ATP5F1B: variants seen among roughly 807,000 people sequenced by gnomAD.
ATP5F1B encodes ATP synthase F1 subunit beta.
ATP5F1B carries 17 observed loss-of-function variants against 45.9 expected under a neutral mutation model. The ratio of observed to expected loss-of-function variants is 0.37; its 90% CI spans 0.25 to 0.56. The LOEUF (loss-of-function observed/expected upper bound fraction) is 0.56. Among genes scored for constraint, ATP5F1B ranks in the 20% least tolerant of loss-of-function variants. The pLI is 0.80. For synonymous variants in ATP5F1B, 218 were observed against 256.5 expected (o/e 0.85, Z 1.43); for missense variants, 387 against 673.2 (o/e 0.57, Z 4.70).
In ATP5F1B at chr12:56,644,922, C is replaced by T. The variant is rs1433382923; in HGVS notation, c.344G>A (p.Gly115Asp). The change falls in exon 3 of 10, where the codon GGT becomes GAT. Residue 115 changes from glycine (G) to aspartate (D), a missense_variant. By Grantham distance (94) the Gly-to-Asp change is moderately conservative. This residue lies in a region of ATP5F1B where 113 missense variants were observed against 168.0 expected (regional missense o/e 0.67). Coordinates refer to ENST00000262030, the MANE Select transcript of ATP5F1B (RefSeq NM_001686.4). ...ESTVRTIAMD[G>D]TEGLVRGQKV... ...CTGGCCTCTAACCAAGCCTTCTGTA[C>T]CATCCATAGCAATAGTCCTTACTGT... 1 of 1,614,164 alleles carries T rather than the reference C, an allele frequency of 6.2e-7. No homozygotes were observed.
intron 7 of ATP5F1B, among the ~76,000 whole-genome samples, chr12:56,641,319 A>T (rs944101822): frequency 3.3e-5 from 5 of 149,694 alleles, no homozygotes; most frequent in African/African-American, 4.9e-5. Context: ...CCCAGATCGC[A>T]CCCATTGCAC....
intron 7 of ATP5F1B, among the ~76,000 whole-genome samples, chr12:56,642,199 G>C (rs999301148): frequency 6.6e-6 from 1 of 151,788 alleles, no homozygotes; most frequent in African/African-American, 2.4e-5. Flanking sequence ...ATTTCACCAC[G>C]TTGGCCAGGG....
At chr12:56,642,606 T>A in intron 6 of ATP5F1B, 26 bp from the exon 7 acceptor site, 4 of 1,614,060 alleles carry the variant, frequency 2.5e-6, no homozygotes, top group South Asian at 2.2e-5. Context: ...GTCTTAGGTG[T>A]CTACATCCTT....
At chr12:56,639,024 G>C (rs529063027) in intron 9 of ATP5F1B, 82 bp downstream of exon 9, 302 of 1,291,532 alleles carry the variant, frequency 2.3e-4, no homozygotes, top group Non-Finnish European at 3.2e-4. Context: ...ATTAAGCATA[G>C]TATATTACAT....
chr12:56,644,812 T>A lies in ATP5F1B; in HGVS notation c.454A>T (p.Ile152Phe). ...GRIMNVIGEP[I>F]DERGPIKTKQ... Reference sequence around the variant, plus strand: ...GTTTTGATGGGACCTCTTTCATCAATAGGTTCTCCAATGACATTCATGATT... The same window carrying A: ...GTTTTGATGGGACCTCTTTCATCAAAAGGTTCTCCAATGACATTCATGATT... Residue 152 changes from isoleucine (I) to phenylalanine (F), a missense_variant, in exon 3 of 10, where the codon ATT becomes TTT. This residue lies in a region of ATP5F1B where 113 missense variants were observed against 168.0 expected (regional missense o/e 0.67). Transcript: ENST00000262030. 1 of 1,614,050 alleles carries A rather than the reference T, an allele frequency of 6.2e-7. No individual in the cohort carries two copies. The highest frequency in any genetic ancestry group is 8.5e-7 in the Non-Finnish European group (1 of 1,179,910).
chr12:56,643,963 A>G lies in ATP5F1B; in HGVS notation c.486-5T>C. 7 of 1,613,902 alleles carry G rather than the reference A, an allele frequency of 4.3e-6. No homozygotes were observed. The highest frequency in any genetic ancestry group is 5.9e-6 in the Non-Finnish European group (7 of 1,179,938). On this transcript the variant is annotated splice_polypyrimidine_tract_variant and splice_region_variant and intron_variant, in intron 3 of 9. Transcript: ENST00000262030. ...TCAGCATGAATGGGAGCAAATCTGT[A>G]AAGGTAGAAGAGAGGATAGTATCTA... is the stretch of plus-strand genomic sequence containing the variant.
At chr12:56,639,853 A>C in intron 8 of ATP5F1B, 127 bp downstream of exon 8, 2 of 869,158 alleles carry the variant, frequency 2.3e-6, no homozygotes, top group Non-Finnish European at 3.6e-6. Flanking sequence ...AGCTCTCACT[A>C]GCAATTGCCA....
chr12:56,643,024 C>T, intron 5 of ATP5F1B, 193 bp from the exon 6 acceptor site: 1 of 608,442 alleles, frequency 1.6e-6, no homozygotes, highest in Non-Finnish European at 2.8e-6. Flanking sequence ...TAAGGCAAAA[C>T]TATAGTAGAA....
intron 3 of ATP5F1B, 123 bp from the exon 4 acceptor site, chr12:56,644,081 C>T (rs1951532572): frequency 1.8e-6 from 2 of 1,102,604 alleles, no homozygotes; most frequent in South Asian, 3.3e-5. Flanking sequence ...AGTCTTACCT[C>T]CCCTTTCTTA....
chr12:56,642,517 T>C lies in ATP5F1B; in HGVS notation c.1015A>G (p.Met339Val). 1 of 1,614,118 alleles carries C rather than the reference T, an allele frequency of 6.2e-7. No homozygotes were observed. Among genetic ancestry groups the C allele is most frequent in the Non-Finnish European group, 8.5e-7 (1 of 1,180,038 alleles). The change falls in exon 7 of 10, where the codon ATG becomes GTG. Residue 339 changes from methionine to valine, a missense_variant. This residue lies in a region of ATP5F1B where 154 missense variants were observed against 361.4 expected (regional missense o/e 0.43). Transcript: ENST00000262030. ...GTAATTCTTTCCTGCATAGTACCCATGTCAGTGGCCAGGGTAGGCTGATAG... is the reference window on the plus strand; with the variant it reads ...GTAATTCTTTCCTGCATAGTACCCACGTCAGTGGCCAGGGTAGGCTGATAG... ...VGYQPTLATD[M>V]GTMQERITTT...
chr12:56,644,772 G>T lies in ATP5F1B; in HGVS notation c.485+9C>A. ...TCCTTTGTGCATAGATGCAATAAGA[G>T]CAACTTACTGTTTGGTTTTGATGGG... On this transcript the variant is annotated intron_variant, in intron 3 of 9. Coordinates refer to ENST00000262030, the MANE Select transcript of ATP5F1B (RefSeq NM_001686.4). 6 of 1,607,398 alleles carry T rather than the reference G, an allele frequency of 3.7e-6. No homozygotes were observed. The highest frequency in any genetic ancestry group is 1.7e-4 in the Middle Eastern group (1 of 6,034).
At chr12:56,642,200 T>C (rs1325910357) in intron 7 of ATP5F1B, among the ~76,000 whole-genome samples, 1 of 152,010 alleles carries the variant, frequency 6.6e-6, no homozygotes, top group Non-Finnish European at 1.5e-5. Context: ...TTTCACCACG[T>C]TGGCCAGGGT....
At position 56,644,094 on chromosome 12, in the gene ATP5F1B, TA is replaced by T. The variant is rs1951532725; in HGVS notation, c.486-137del. On this transcript the variant is annotated intron_variant, in intron 3 of 9. Transcript: ENST00000262030. ...ACAGTCTTACCTCCCCTTTCTTACA[TA>T]AATCAGATAAACTATCATCTAGGAT... is the stretch of plus-strand genomic sequence containing the variant. The T allele has an allele frequency of 4.2e-6, 4 of 961,760 alleles. No homozygotes were observed. The Admixed American group carries it at 1.2e-4, about 30-fold the overall frequency. The allele number at this position is 961,760 out of a possible 1,614,324, so 59.6% of individuals were successfully genotyped here.
chr12:56,641,361 CT>C, intron 7 of ATP5F1B, among the ~76,000 whole-genome samples: 1 of 141,740 alleles, frequency 7.1e-6, no homozygotes, highest in African/African-American at 2.6e-5. Flanking sequence ...GAAACTCCGT[CT>C]CAAAAAAAAA....
At position 56,642,596 on chromosome 12, in the gene ATP5F1B, G is replaced by A. The variant is rs1186748537; in HGVS notation, c.952-16C>T. 2 of 1,614,090 alleles carry A rather than the reference G, an allele frequency of 1.2e-6. No individual in the cohort carries two copies. Among genetic ancestry groups the A allele is most frequent in the Admixed American group, 1.7e-5 (1 of 60,000 alleles). The stretch of plus-strand genomic sequence containing the variant: ...ATGCAGACACCTAAAAGAAAAAAAG[G>A]TCTTAGGTGTCTACATCCTTAGCCT... On this transcript the variant is annotated splice_polypyrimidine_tract_variant and intron_variant, in intron 6 of 9. Coordinates refer to ENST00000262030, the MANE Select transcript of ATP5F1B (RefSeq NM_001686.4).
intron 8 of ATP5F1B, among the ~76,000 whole-genome samples, chr12:56,639,684 T>C (rs1253268046): frequency 6.6e-6 from 1 of 150,428 alleles, no homozygotes; most frequent in Non-Finnish European, 1.5e-5. Flanking sequence ...GGCAGGAGAA[T>C]CGCTTGAACC....
chr12:56,638,379 G>A lies in ATP5F1B; in HGVS notation c.1534C>T (p.Pro512Ser). Residue 512 changes from proline (P) to serine (S), a missense_variant, in exon 10 of 10, where the codon CCC becomes TCC. Physicochemically the swap from Pro to Ser is moderately conservative, Grantham distance 74 (BLOSUM62 -1). Transcript: ENST00000262030. ...LPEQAFYMVG[P>S]IEEAVAKADK... ...GCTTTTGCCACAGCTTCTTCAATGG[G>A]TCCCACCATATAGAAGGCCTGTTCT... 2 of 1,613,792 alleles carry A rather than the reference G, an allele frequency of 1.2e-6. No homozygotes were observed. The highest frequency in any genetic ancestry group is 2.2e-5 in the South Asian group (2 of 91,078).
chr12:56,638,547 G>C (rs1951489001), intron 9 of ATP5F1B, 124 bp from the exon 10 acceptor site: 2 of 762,682 alleles, frequency 2.6e-6, no homozygotes. Flanking sequence ...TGTCATCTTA[G>C]AAAGCTTAAA....
chr12:56,639,484 T>C (rs1423788561), intron 8 of ATP5F1B, 177 bp from the exon 9 acceptor site: 5 of 656,350 alleles, frequency 7.6e-6, no homozygotes, highest in East Asian at 5.6e-5. Context: ...TAGAAAAATA[T>C]TGCATTCCGC....
Sources: gnomAD v4.1 joint callset for allele counts (sites outside exome capture counted in the v4.1 genomes callset) on GRCh38, gnomAD v4.1.1 for gene constraint, gnomAD v4.1.1 regional missense constraint, MANE v1.5 for transcripts, NCBI Gene and HGNC (gene_info 2026-07-23, HGNC 2026-07-21) for gene names.